AKR1E2: variants seen among roughly 807,000 people sequenced by gnomAD.
AKR1E2 encodes 1,5-anhydro-D-fructose reductase.
A neutral mutation model predicts 41.9 loss-of-function variants in AKR1E2; 43 were observed. That is an observed-to-expected ratio of 1.03 (90% CI 0.80 to 1.32). The LOEUF (loss-of-function observed/expected upper bound fraction) is 1.32. Ranked by LOEUF, AKR1E2 falls within the 40% of genes most tolerant of loss-of-function variation. The probability of loss-of-function intolerance (pLI) is 0.00; values close to 1 mark genes in which losing one functional copy is unlikely to be tolerated. For missense variants in AKR1E2, 423 were observed against 396.5 expected, an observed-to-expected ratio of 1.07 and a Z score of -0.57; for synonymous variants, 121 against 138.9, an observed-to-expected ratio of 0.87 and a Z score of 0.91.
chr10:4,831,346 G>A (rs931469823), intron 2 of AKR1E2, among the ~76,000 whole-genome samples: 2 of 152,190 alleles, frequency 1.3e-5, no homozygotes, highest in Non-Finnish European at 2.9e-5. Flanking sequence ...TCATGCTGCT[G>A]TACGAACATA....
the AKR1E2 span, among the ~76,000 whole-genome samples, chr10:4,855,886 A>G: frequency 1.1e-4 from 16 of 152,266 alleles, no homozygotes; most frequent in Middle Eastern, 3.4e-3. Context: ...AAATTGTTCA[A>G]TTTACCTAGT....
chr10:4,829,515 T>C (rs554743505), intron 1 of AKR1E2, among the ~76,000 whole-genome samples: 2 of 152,328 alleles, frequency 1.3e-5, no homozygotes, highest in East Asian at 3.9e-4. Flanking sequence ...AGTCCGTCTT[T>C]TTCTGTTGTT....
chr10:4,838,760 AT>A (rs1277324828), intron 5 of AKR1E2, among the ~76,000 whole-genome samples: 1 of 152,136 alleles, frequency 6.6e-6, no homozygotes, highest in Non-Finnish European at 1.5e-5. Context: ...ATACAACCCT[AT>A]ATATATAAGT....
the AKR1E2 span, among the ~76,000 whole-genome samples, chr10:4,857,403 C>CA: frequency 2.4e-4 from 36 of 152,060 alleles, no homozygotes; most frequent in African/African-American, 7.5e-4. Context: ...GTAGTACCCC[C>CA]CACACACACA....
intron 8 of AKR1E2, chr10:4,845,948 A>G (rs2397986): frequency 0.037 from 16,550 of 445,244 alleles, 445 homozygotes; most frequent in East Asian, 0.12. Flanking sequence ...GGTGGGAGCC[A>G]GGTCCACAAG....
At chr10:4,844,225 A>C (rs111912141) in intron 8 of AKR1E2, among the ~76,000 whole-genome samples, 5,298 of 151,820 alleles carry the variant, frequency 0.035, 147 homozygotes, top group East Asian at 0.11. Flanking sequence ...AGTGAAGGTG[A>C]GGACCTTTGC....
intron 1 of AKR1E2, among the ~76,000 whole-genome samples, chr10:4,826,741 C>G (rs1832551669): frequency 6.6e-6 from 1 of 152,054 alleles, no homozygotes; most frequent in South Asian, 2.1e-4. Flanking sequence ...TGGACTCGGC[C>G]GGAACAGGGA....
chr10:4,864,422 A>G, the AKR1E2 span, among the ~76,000 whole-genome samples: 2 of 152,202 alleles, frequency 1.3e-5, no homozygotes, highest in African/African-American at 4.8e-5. Context: ...CCTTCATGCT[A>G]AAAACTCTCA....
At chr10:4,835,649 C>T in intron 3 of AKR1E2, 26 bp from the exon 4 acceptor site, 1 of 1,503,750 alleles carries the variant, frequency 6.7e-7, no homozygotes, top group Non-Finnish European at 9.0e-7. Flanking sequence ...TTTGTTTTCA[C>T]ACATCTCAAC....
chr10:4,844,913 G>A (rs564579241), intron 8 of AKR1E2, among the ~76,000 whole-genome samples: 3 of 152,190 alleles, frequency 2.0e-5, no homozygotes, highest in African/African-American at 7.2e-5. Context: ...GCGGTGTGCC[G>A]GCACTCCTCA....
At chr10:4,860,346 A>C in the AKR1E2 span, among the ~76,000 whole-genome samples, 11 of 152,218 alleles carry the variant, frequency 7.2e-5, no homozygotes, top group Non-Finnish European at 1.5e-5. Context: ...TCTTCTGACA[A>C]ATAGCCCATC....
chr10:4,847,076 A>G, intron 8 of AKR1E2, 72 bp from the exon 9 acceptor site: 1 of 1,540,050 alleles, frequency 6.5e-7, no homozygotes, highest in Admixed American at 1.7e-5. Flanking sequence ...GCACTGTGCT[A>G]TGTAGGTAAC....
chr10:4,866,595 C>G, the AKR1E2 span, among the ~76,000 whole-genome samples: 1 of 150,000 alleles, frequency 6.7e-6, no homozygotes, highest in Non-Finnish European at 1.5e-5. Context: ...TATTATTACT[C>G]AAATCAGTCT....
At position 4,846,549 on chromosome 10, in the gene AKR1E2, C is replaced by CTT. The variant is rs760426996; in HGVS notation, c.838-586_838-585dup. Reference sequence around the variant, plus strand: ...TCAGTGGGAAAAATTCTGTGCCATCCTTTTTTTTTTTTTTGAGATGGAGTC... The same window carrying CTT: ...TCAGTGGGAAAAATTCTGTGCCATCCTTTTTTTTTTTTTTTTGAGATGGAGTC... On this transcript the variant is annotated intron_variant, in intron 8 of 9. Coordinates refer to ENST00000298375, the MANE Select transcript of AKR1E2 (RefSeq NM_001040177.3). Among the ~76,000 whole-genome samples the CTT allele has an allele frequency of 8.5e-5, 12 of 141,114 alleles. 1 individual carries two copies. Among genetic ancestry groups the CTT allele is most frequent in the Non-Finnish European group, 1.6e-4 (10 of 64,324 alleles). The allele number at this position is 141,114 out of a possible 152,430, so 92.6% of individuals were successfully genotyped here.
At chr10:4,849,987 C>T (rs2131582259), downstream of AKR1E2, among the ~76,000 whole-genome samples, 1 of 152,342 alleles carries the variant, frequency 6.6e-6, no homozygotes, top group East Asian at 1.9e-4. Context: ...CACTGGGCAA[C>T]TGCAAAGCTT....
At chr10:4,857,481 G>A in the AKR1E2 span, among the ~76,000 whole-genome samples, 9 of 152,232 alleles carry the variant, frequency 5.9e-5, no homozygotes, top group African/African-American at 2.2e-4. Flanking sequence ...TGCCATGATT[G>A]TAAGTTTCCT....
intron 8 of AKR1E2, 79 bp downstream of exon 8, chr10:4,842,583 C>A (rs1833976765): frequency 2.2e-6 from 3 of 1,363,060 alleles, no homozygotes; most frequent in African/African-American, 1.4e-5. Context: ...TAGCATACAG[C>A]CTCAGGGTTG....
the AKR1E2 span, among the ~76,000 whole-genome samples, chr10:4,860,680 A>C: frequency 2.4e-4 from 37 of 152,372 alleles, no homozygotes; most frequent in African/African-American, 8.9e-4. Flanking sequence ...AAATTTAAAA[A>C]TCGAAAAATA....
intron 6 of AKR1E2, 31 bp from the exon 7 acceptor site, chr10:4,841,754 T>G: frequency 6.8e-7 from 1 of 1,474,398 alleles, no homozygotes; most frequent in African/African-American, 1.4e-5. Context: ...TTGGATCTCC[T>G]GGCTCACTCC....
Sources: allele counts gnomAD v4.1 joint callset (sites outside exome capture counted in the v4.1 genomes callset), GRCh38; gene constraint gnomAD v4.1.1; transcripts MANE v1.5; gene names NCBI Gene and HGNC (gene_info 2026-07-23, HGNC 2026-07-21).